The following RORA variants were observed in gnomAD, a reference collection of about 807,000 sequenced individuals.
RORA encodes the protein RAR related orphan receptor A.
RORA carries 7 observed loss-of-function variants against 69.5 expected under a neutral mutation model. That is an observed-to-expected ratio of 0.10 (90% confidence interval 0.06 to 0.19). RORA has a LOEUF of 0.19. Among genes scored for constraint, RORA ranks in the 10% least tolerant of loss-of-function variants. The probability of loss-of-function intolerance (pLI) is 1.00; values close to 1 mark genes in which losing one functional copy is unlikely to be tolerated. For synonymous variants in RORA, 261 were observed against 240.8 expected (o/e 1.08, Z -0.78); for missense variants, 457 against 663.0 (o/e 0.69, Z 3.41).
At chr15:60,947,649 C>A (rs1433037642) in intron 1 of RORA, among the ~76,000 whole-genome samples, 2 of 132,954 alleles carry the variant, frequency 1.5e-5, no homozygotes, top group African/African-American at 2.9e-5. Context: ...TATGACCCTG[C>A]CAAATCCCCC....
chr15:60,599,714 C>T (rs2068772875), intron 2 of RORA, among the ~76,000 whole-genome samples: 2 of 152,158 alleles, frequency 1.3e-5, no homozygotes, highest in South Asian at 4.1e-4. Flanking sequence ...CTTCTGCCTT[C>T]CCTCACAGTG....
In RORA at chr15:60,977,115, G is replaced by GGA. The variant is rs1222384747; in HGVS notation, c.166+251937_166+251938insTC. Among the ~76,000 whole-genome samples, 253 of 135,976 alleles carry GGA rather than the reference G, an allele frequency of 1.9e-3. 2 individuals are homozygous for GGA. Among genetic ancestry groups the GGA allele is most frequent in the African/African-American group, 6.4e-3 (238 of 37,160 alleles). The allele number at this position is 135,976 out of a possible 152,430, so 89.2% of individuals were successfully genotyped here. A position where few individuals can be genotyped will look rare whatever the true frequency, so the allele number is the denominator to read the frequency against. On this transcript the variant is annotated intron_variant, in intron 1 of 10. Coordinates refer to ENST00000335670, the MANE Select transcript of RORA (RefSeq NM_134261.3). ...AAGTTGTTTCAAAACTGATTGGAGG[G>GGA]AAAAAAAAAAAAAAAACCTATAGCG...
chr15:60,811,066 G>A (rs976258520), intron 1 of RORA, among the ~76,000 whole-genome samples: 1 of 152,130 alleles, frequency 6.6e-6, no homozygotes, highest in Non-Finnish European at 1.5e-5. Context: ...AGAAAGCAGG[G>A]AGTCTTCAAT....
chr15:60,790,165 C>T (rs531145765), intron 1 of RORA, among the ~76,000 whole-genome samples: 2 of 152,370 alleles, frequency 1.3e-5, no homozygotes, highest in South Asian at 2.1e-4. Flanking sequence ...ACCAGTGGTT[C>T]TTCCACTTTT....
chr15:61,223,086 G>C (rs1332700923), intron 1 of RORA, among the ~76,000 whole-genome samples: 1 of 152,054 alleles, frequency 6.6e-6, no homozygotes, highest in Non-Finnish European at 1.5e-5. Flanking sequence ...GGCCGAGGCG[G>C]GTGGATTGTC....
chr15:60,647,316 C>G (rs969659050), intron 2 of RORA, among the ~76,000 whole-genome samples: 3 of 152,142 alleles, frequency 2.0e-5, no homozygotes, highest in Non-Finnish European at 4.4e-5. Flanking sequence ...TGTGAGTGAC[C>G]CCATGGGGTA....
chr15:61,036,935 TG>T (rs1896488008), intron 1 of RORA, among the ~76,000 whole-genome samples: 1 of 152,040 alleles, frequency 6.6e-6, no homozygotes, highest in African/African-American at 2.4e-5. Flanking sequence ...CAGTAGGTCT[TG>T]GGGTATCTTC....
intron 1 of RORA, among the ~76,000 whole-genome samples, chr15:61,132,720 G>C (rs1240752162): frequency 6.6e-6 from 1 of 152,164 alleles, no homozygotes; most frequent in African/African-American, 2.4e-5. Context: ...AATGCAAACA[G>C]CTGAAAGAAC....
intron 1 of RORA, among the ~76,000 whole-genome samples, chr15:60,731,840 A>G (rs1658350266): frequency 6.6e-6 from 1 of 152,268 alleles, no homozygotes; most frequent in South Asian, 2.1e-4. Context: ...GAATTTCACA[A>G]GTAGACATGA....
intron 2 of RORA, among the ~76,000 whole-genome samples, chr15:60,617,913 TAG>T (rs1256959584): frequency 6.6e-6 from 1 of 151,938 alleles, no homozygotes; most frequent in Non-Finnish European, 1.5e-5. Context: ...GGGGGAAAAA[TAG>T]AGAGGCAGCT....
intron 1 of RORA, among the ~76,000 whole-genome samples, chr15:60,935,971 A>G (rs8034886): frequency 0.27 from 41,423 of 152,144 alleles, 6,169 homozygotes; most frequent in East Asian, 0.51. Flanking sequence ...AGTTGGGCAA[A>G]CTGAGACTGA....
chr15:61,037,514 G>A (rs1039678556), intron 1 of RORA, among the ~76,000 whole-genome samples: 2 of 152,168 alleles, frequency 1.3e-5, no homozygotes, highest in African/African-American at 4.8e-5. Context: ...CCACAGGGCA[G>A]GAGACAAAGC....
chr15:60,780,598 CAAAA>C (rs1417926995), intron 1 of RORA, among the ~76,000 whole-genome samples: 1 of 151,702 alleles, frequency 6.6e-6, no homozygotes, highest in East Asian at 1.9e-4. Flanking sequence ...TAAATGGACT[CAAAA>C]GAAACAATTT....
intron 1 of RORA, among the ~76,000 whole-genome samples, chr15:60,747,007 T>G (rs2071658312): frequency 6.6e-6 from 1 of 152,148 alleles, no homozygotes; most frequent in Non-Finnish European, 1.5e-5. Context: ...GGGAACTGAT[T>G]ACCATTTGTG....
At chr15:60,597,554 ATATATATATATATATATAT>A (rs2068702250) in intron 2 of RORA, among the ~76,000 whole-genome samples, 1 of 21,482 alleles carries the variant, frequency 4.7e-5, no homozygotes, top group African/African-American at 2.1e-4. Context: ...CACACAACAT[ATATATATATATATATATAT>A]ACACATATAT....
At chr15:60,704,647 G>A (rs2071035004) in intron 1 of RORA, among the ~76,000 whole-genome samples, 1 of 152,178 alleles carries the variant, frequency 6.6e-6, no homozygotes, top group South Asian at 2.1e-4. Flanking sequence ...GACCAGGAAT[G>A]CCATAGAAAG....
At chr15:60,943,899 G>A (rs1052292402) in intron 1 of RORA, among the ~76,000 whole-genome samples, 1 of 64,848 alleles carries the variant, frequency 1.5e-5, no homozygotes, top group East Asian at 4.5e-4. Flanking sequence ...ATGGGTGACA[G>A]AGCCAGACTC....
chr15:60,549,439 TG>T (rs2067167081), intron 2 of RORA, among the ~76,000 whole-genome samples: 1 of 152,224 alleles, frequency 6.6e-6, no homozygotes, highest in Admixed American at 6.5e-5. Flanking sequence ...GTATTTGCTA[TG>T]TTTTTTAGTG....
chr15:60,674,936 C>G (rs1256845143), intron 2 of RORA, among the ~76,000 whole-genome samples: 1 of 152,082 alleles, frequency 6.6e-6, no homozygotes, highest in Non-Finnish European at 1.5e-5. Context: ...CAGAAGGAAG[C>G]AGCAATGGTC....
Sources: allele counts gnomAD v4.1 joint callset (sites outside exome capture counted in the v4.1 genomes callset), GRCh38; gene constraint gnomAD v4.1.1; transcripts MANE v1.5; gene names NCBI Gene and HGNC (gene_info 2026-07-23, HGNC 2026-07-21).